Variants in BABAM2 observed in about 807,000 individuals in gnomAD.
BABAM2 encodes the protein BRISC and BRCA1 A complex member 2.
BABAM2 carries 31 observed loss-of-function variants against 54.7 expected under a neutral mutation model. That is an observed-to-expected ratio of 0.57 (90% confidence interval 0.43 to 0.77). BABAM2 has a LOEUF of 0.77. Among genes scored for constraint, BABAM2 ranks in the 30% least tolerant of loss-of-function variants. The probability of loss-of-function intolerance (pLI) is 0.00; values close to 1 mark genes in which losing one functional copy is unlikely to be tolerated. For synonymous variants in BABAM2, 167 were observed against 162.9 expected, an observed-to-expected ratio of 1.03 and a Z score of -0.19; for missense variants, 364 against 455.8, an observed-to-expected ratio of 0.80 and a Z score of 1.83.
At chr2:28,169,131 A>G (rs1009125102) in intron 7 of BABAM2, among the ~76,000 whole-genome samples, 1 of 152,210 alleles carries the variant, frequency 6.6e-6, no homozygotes, top group Non-Finnish European at 1.5e-5. Context: ...GTCAGTTTGT[A>G]AAAGAGCTCT....
intron 6 of BABAM2, among the ~76,000 whole-genome samples, chr2:28,112,833 T>C (rs147179305): frequency 4.6e-5 from 7 of 152,196 alleles, no homozygotes; most frequent in Non-Finnish European, 8.8e-5. Context: ...AGTGTAAAAG[T>C]GTTCGTATTT....
At chr2:27,903,194 C>A (rs1364301869) in intron 2 of BABAM2, among the ~76,000 whole-genome samples, 1 of 151,516 alleles carries the variant, frequency 6.6e-6, no homozygotes, top group Non-Finnish European at 1.5e-5. Context: ...GGGCCTGTTG[C>A]CAGGCTTTCT....
At chr2:28,026,843 AATATATATTTATATATATAGAT>A (rs1188723845) in intron 5 of BABAM2, among the ~76,000 whole-genome samples, 11 of 40,640 alleles carry the variant, frequency 2.7e-4, no homozygotes, top group South Asian at 7.0e-4. Flanking sequence ...AATATATATA[AATATATATTTATATATATAGAT>A]ATATATATTT....
At chr2:28,090,827 T>C (rs747355299) in intron 6 of BABAM2, among the ~76,000 whole-genome samples, 1 of 152,226 alleles carries the variant, frequency 6.6e-6, no homozygotes. Context: ...GTTCCAGATC[T>C]GCCATTTGCT....
intron 3 of BABAM2, among the ~76,000 whole-genome samples, chr2:27,977,805 G>T (rs1671704948): frequency 6.6e-6 from 1 of 152,172 alleles, no homozygotes; most frequent in Non-Finnish European, 1.5e-5. Context: ...AGGAGACTGG[G>T]ATAGTAAGCC....
At chr2:28,221,292 G>A (rs142786942) in intron 7 of BABAM2, among the ~76,000 whole-genome samples, 7 of 152,286 alleles carry the variant, frequency 4.6e-5, no homozygotes, top group South Asian at 2.1e-4. Flanking sequence ...TCTGACTTGG[G>A]TGGTGCCACC....
intron 11 of BABAM2, chr2:28,309,547 T>A (rs989895389): frequency 2.6e-5 from 4 of 152,810 alleles, no homozygotes; most frequent in African/African-American, 9.6e-5. Context: ...AAGAATTTGA[T>A]CATTTTTAGC....
At chr2:27,965,152 C>G (rs1478795739) in intron 3 of BABAM2, among the ~76,000 whole-genome samples, 1 of 151,894 alleles carries the variant, frequency 6.6e-6, no homozygotes, top group Non-Finnish European at 1.5e-5. Flanking sequence ...CCCTTTTTTC[C>G]CACTCTGGGT....
chr2:28,098,191 A>G (rs1032170502), intron 6 of BABAM2, among the ~76,000 whole-genome samples: 2 of 152,142 alleles, frequency 1.3e-5, no homozygotes, highest in African/African-American at 4.8e-5. Context: ...AGCAAATAAT[A>G]TTTCTTCATT....
chr2:27,969,117 A>G (rs1193996836), intron 3 of BABAM2, among the ~76,000 whole-genome samples: 1 of 152,036 alleles, frequency 6.6e-6, no homozygotes, highest in African/African-American at 2.4e-5. Flanking sequence ...ATGGTTCTAT[A>G]AGGGGGAGTT....
intron 6 of BABAM2, among the ~76,000 whole-genome samples, chr2:28,127,580 T>C (rs1357531357): frequency 1.3e-5 from 2 of 152,062 alleles, no homozygotes; most frequent in Admixed American, 6.5e-5. Flanking sequence ...AAATGTTTCT[T>C]TTTTAGGATG....
intron 5 of BABAM2, among the ~76,000 whole-genome samples, chr2:28,039,680 A>G (rs1039085193): frequency 5.3e-4 from 81 of 152,240 alleles, no homozygotes; most frequent in African/African-American, 1.7e-3. Context: ...ATTCTGCACA[A>G]AATGTCTACC....
chr2:28,338,433 C>G lies in BABAM2; in HGVS notation c.1089-17C>G. On this transcript the variant is annotated splice_polypyrimidine_tract_variant and intron_variant, in intron 11 of 11. Coordinates refer to ENST00000379624, the MANE Select transcript of BABAM2 (RefSeq NM_199191.3). ...TGTGCTAACCACAATTTTTTTTCTCCCCTTCTTTCCCACCAGGGCTTATTT... is the reference window on the plus strand; with the variant it reads ...TGTGCTAACCACAATTTTTTTTCTCGCCTTCTTTCCCACCAGGGCTTATTT... 1 of 1,610,828 alleles carries G rather than the reference C, an allele frequency of 6.2e-7. No homozygotes were observed. The highest frequency in any genetic ancestry group is 8.5e-7 in the Non-Finnish European group (1 of 1,178,008).
intron 7 of BABAM2, among the ~76,000 whole-genome samples, chr2:28,186,476 C>G (rs761636956): frequency 3.7e-4 from 56 of 152,012 alleles, no homozygotes; most frequent in Non-Finnish European, 2.4e-4. Flanking sequence ...GAAGTACATT[C>G]TAAAGAAGGC....
chr2:28,218,465 A>G (rs563941957), intron 7 of BABAM2, among the ~76,000 whole-genome samples: 54 of 152,284 alleles, frequency 3.5e-4, no homozygotes, highest in African/African-American at 1.3e-3. Context: ...TGACCTTGAC[A>G]TTTTTGAAGA....
intron 6 of BABAM2, among the ~76,000 whole-genome samples, chr2:28,104,494 A>G (rs1026648478): frequency 3.3e-5 from 5 of 152,250 alleles, no homozygotes; most frequent in Admixed American, 2.6e-4. Context: ...ATGAGATACC[A>G]TCTCACGCCA....
intron 6 of BABAM2, among the ~76,000 whole-genome samples, chr2:28,108,869 T>A (rs1196876290): frequency 6.6e-6 from 1 of 152,092 alleles, no homozygotes; most frequent in Non-Finnish European, 1.5e-5. Flanking sequence ...TCAGCAGTCA[T>A]GGGTTTTGGT....
chr2:28,279,612 T>C (rs1034250262), intron 10 of BABAM2, among the ~76,000 whole-genome samples: 1 of 149,094 alleles, frequency 6.7e-6, no homozygotes, highest in Admixed American at 6.7e-5. Context: ...GTATTCAAAC[T>C]CCTTACCCCT....
At chr2:28,112,869 G>C (rs1377041940) in intron 6 of BABAM2, among the ~76,000 whole-genome samples, 1 of 152,106 alleles carries the variant, frequency 6.6e-6, no homozygotes, top group Non-Finnish European at 1.5e-5. Context: ...AGCATCTGTT[G>C]TTTCCTGACT....
Sources: gnomAD v4.1 joint callset for allele counts (sites outside exome capture counted in the v4.1 genomes callset) on GRCh38, gnomAD v4.1.1 for gene constraint, MANE v1.5 for transcripts, NCBI Gene and HGNC (gene_info 2026-07-23, HGNC 2026-07-21) for gene names.